The following PDE4D variants were observed in gnomAD, a reference collection of about 807,000 sequenced individuals.
PDE4D encodes the protein phosphodiesterase 4D.
A neutral mutation model predicts 87.4 loss-of-function variants in PDE4D; 24 were observed. That is an observed-to-expected ratio of 0.27 (90% CI 0.20 to 0.39). PDE4D has a LOEUF of 0.39. Among genes scored for constraint, PDE4D ranks in the 10% least tolerant of loss-of-function variants. The probability of loss-of-function intolerance (pLI) is 1.00; values close to 1 mark genes in which losing one functional copy is unlikely to be tolerated. For missense variants in PDE4D, 714 were observed against 1,041.0 expected, an observed-to-expected ratio of 0.69 and a Z score of 4.32; for synonymous variants, 384 against 383.2, an observed-to-expected ratio of 1.00 and a Z score of -0.02.
chr5:59,263,900 C>T (rs1762434069), intron 1 of PDE4D, among the ~76,000 whole-genome samples: 1 of 151,904 alleles, frequency 6.6e-6, no homozygotes, highest in South Asian at 2.1e-4. Context: ...GTGGTGATTA[C>T]AGGGGTGACC....
At chr5:58,990,928 C>A in intron 8 of PDE4D, 26 bp from the exon 9 acceptor site, 2 of 1,190,504 alleles carry the variant, frequency 1.7e-6, no homozygotes, top group Non-Finnish European at 2.4e-6. Flanking sequence ...AAAAAAGATA[C>A]TAAAATATTA....
chr5:59,334,197 G>A (rs1161220771), intron 1 of PDE4D, among the ~76,000 whole-genome samples: 1 of 149,468 alleles, frequency 6.7e-6, no homozygotes, highest in African/African-American at 2.5e-5. Flanking sequence ...TAATATCAGT[G>A]CTAAGGGAAG....
intron 1 of PDE4D, among the ~76,000 whole-genome samples, chr5:59,441,076 C>A (rs1256709427): frequency 6.6e-6 from 1 of 152,154 alleles, no homozygotes; most frequent in African/African-American, 2.4e-5. Context: ...TGATCATAGT[C>A]ATTCAAAAAC....
At chr5:59,039,945 C>G (rs1412374332) in intron 5 of PDE4D, 1 of 152,356 alleles carries the variant, frequency 6.6e-6, no homozygotes, top group Non-Finnish European at 1.5e-5. Context: ...CAGGCGCGCA[C>G]GGCCGCGCAC....
At chr5:59,789,817 G>A (rs1765585812) in intron 1 of PDE4D, among the ~76,000 whole-genome samples, 1 of 152,128 alleles carries the variant, frequency 6.6e-6, no homozygotes, top group Non-Finnish European at 1.5e-5. Context: ...AGTAGAGTCA[G>A]GTCCTGATTC....
intron 1 of PDE4D, among the ~76,000 whole-genome samples, chr5:60,194,637 T>A (rs1003470404): frequency 6.6e-6 from 1 of 151,682 alleles, no homozygotes; most frequent in African/African-American, 2.4e-5. Context: ...CCACTTTTGA[T>A]TGGCACTTGG....
Position 59,501,021 on chromosome 5 carries a change from A to G in PDE4D, c.456-285053T>C, listed in dbSNP as rs1206076620. 2.6e-5 allele frequency among the ~76,000 whole-genome samples: 4 copies of G among 152,262 alleles called. No homozygotes were observed. The East Asian group carries it at 7.7e-4, about 29-fold the overall frequency. On this transcript the variant is annotated intron_variant, in intron 1 of 14. Transcript: ENST00000340635. ...AATTGAATTTTCTAATCAGATTCAC[A>G]TTATCACTTTTGAATCTCTTATACT...
At chr5:59,383,364 C>T (rs912202063) in intron 1 of PDE4D, among the ~76,000 whole-genome samples, 1 of 152,078 alleles carries the variant, frequency 6.6e-6, no homozygotes, top group Non-Finnish European at 1.5e-5. Flanking sequence ...ATTCCCTGCC[C>T]ATTTGCCCAC....
intron 2 of PDE4D, among the ~76,000 whole-genome samples, chr5:60,041,563 C>A (rs185206438): frequency 2.6e-4 from 39 of 152,300 alleles, no homozygotes; most frequent in African/African-American, 8.2e-4. Context: ...GAGACCAATG[C>A]AGAAGGCAGG....
intron 1 of PDE4D, among the ~76,000 whole-genome samples, chr5:59,415,088 A>C (rs1283802506): frequency 6.6e-6 from 1 of 152,156 alleles, no homozygotes; most frequent in East Asian, 1.9e-4. Context: ...GCAGCTATCC[A>C]TGCAAAAGGA....
At chr5:59,400,680 G>A (rs1211584601) in intron 1 of PDE4D, among the ~76,000 whole-genome samples, 26 of 151,360 alleles carry the variant, frequency 1.7e-4, no homozygotes, top group East Asian at 1.4e-3. Flanking sequence ...ACATGTATAC[G>A]TATGTAACTA....
At chr5:59,782,608 C>A (rs952229701) in intron 1 of PDE4D, among the ~76,000 whole-genome samples, 1 of 152,134 alleles carries the variant, frequency 6.6e-6, no homozygotes. Context: ...GTTGCAAGAC[C>A]AGGAAGATCA....
In PDE4D at chr5:59,597,709, C is replaced by T. The variant is rs369551224; in HGVS notation, c.455+295459G>A. Among the ~76,000 whole-genome samples, 7 of 151,892 alleles carry T rather than the reference C, an allele frequency of 4.6e-5. No individual in the cohort carries two copies. In the South Asian group the frequency reaches 1.2e-3, roughly 27 times the overall value. On this transcript the variant is annotated intron_variant, in intron 1 of 14. Coordinates refer to ENST00000340635, the MANE Select transcript of PDE4D (RefSeq NM_001104631.2). ...TATAAAAATGTATTTAAACTAGAAC[C>T]CAATAATTTAGAATAATTAATAGTT...
intron 5 of PDE4D, among the ~76,000 whole-genome samples, chr5:59,071,683 CTTTTTT>C (rs10701223): frequency 4.9e-5 from 4 of 82,406 alleles, no homozygotes; most frequent in African/African-American, 2.0e-4. Flanking sequence ...TATTTCTCTT[CTTTTTT>C]TTTTTTTTTT....
chr5:60,098,166 C>T (rs919603947), intron 2 of PDE4D, among the ~76,000 whole-genome samples: 1 of 151,748 alleles, frequency 6.6e-6, no homozygotes, highest in Non-Finnish European at 1.5e-5. Context: ...CAACACACAG[C>T]CTGGAAGTTG....
At chr5:59,311,516 A>C (rs1308289793) in intron 1 of PDE4D, among the ~76,000 whole-genome samples, 1 of 150,348 alleles carries the variant, frequency 6.7e-6, no homozygotes, top group Non-Finnish European at 1.5e-5. Flanking sequence ...AAAAAAAAAA[A>C]AAAAAAAAAA....
chr5:59,735,684 C>A (rs2150633994), intron 1 of PDE4D, among the ~76,000 whole-genome samples: 1 of 150,436 alleles, frequency 6.6e-6, no homozygotes, highest in East Asian at 1.9e-4. Flanking sequence ...TTTTTTTTTT[C>A]GAGACAGAAT....
rs1034429869 is a variant in PDE4D, at chr5:59,203,532, C to A, written c.648-9996G>T. ...AATCAGTATGTCAAAGAGATACCTG[C>A]ACTCCCATGTTTGGTGCAGCATTAA... On this transcript the variant is annotated intron_variant, in intron 2 of 14. Coordinates refer to ENST00000340635, the MANE Select transcript of PDE4D (RefSeq NM_001104631.2). Among the ~76,000 whole-genome samples, 3 of 152,116 alleles carry A rather than the reference C, an allele frequency of 2.0e-5. No homozygotes were observed. The South Asian group carries it at 6.2e-4, about 32-fold the overall frequency.
intron 1 of PDE4D, among the ~76,000 whole-genome samples, chr5:59,333,771 G>A (rs2153578137): frequency 6.6e-6 from 1 of 152,120 alleles, no homozygotes; most frequent in East Asian, 1.9e-4. Context: ...CTGGATTTAA[G>A]ATTCTTTAGT....
Sources: allele counts gnomAD v4.1 joint callset (sites outside exome capture counted in the v4.1 genomes callset), GRCh38; gene constraint gnomAD v4.1.1; transcripts MANE v1.5; gene names NCBI Gene and HGNC (gene_info 2026-07-23, HGNC 2026-07-21).